The following BANP variants were observed in gnomAD, a reference collection of about 807,000 sequenced individuals.
The protein encoded by BANP is protein BANP.
Under a neutral mutation model 68.1 loss-of-function variants are expected in BANP, and 11 were observed. That is an observed-to-expected ratio of 0.16 (90% CI 0.10 to 0.27). The LOEUF (loss-of-function observed/expected upper bound fraction) is 0.27, where lower values mean the gene tolerates loss of function less well. Among genes scored for constraint, BANP ranks in the 10% least tolerant of loss-of-function variants. The pLI is 1.00. For synonymous variants in BANP, 329 were observed against 303.2 expected, an observed-to-expected ratio of 1.09 and a Z score of -0.88; for missense variants, 504 against 722.7, an observed-to-expected ratio of 0.70 and a Z score of 3.47.
intron 7 of BANP, among the ~76,000 whole-genome samples, chr16:88,024,974 C>G (rs974358979): frequency 2.0e-5 from 3 of 152,114 alleles, no homozygotes; most frequent in Non-Finnish European, 4.4e-5. Context: ...TGTTACTAAC[C>G]CGTTTTTAAA....
chr16:87,967,492 G>A (rs566610744), intron 1 of BANP, among the ~76,000 whole-genome samples: 1 of 152,108 alleles, frequency 6.6e-6, no homozygotes, highest in Non-Finnish European at 1.5e-5. Context: ...ATCTCGCTCT[G>A]TCACTGAGGC....
chr16:87,998,878 A>C (rs1249286810), intron 4 of BANP, among the ~76,000 whole-genome samples: 23 of 112,992 alleles, frequency 2.0e-4, no homozygotes, highest in Admixed American at 5.5e-4. Context: ...GTCTCCATGC[A>C]CGCACGTGCG....
At chr16:88,020,394 G>A (rs1346823755) in intron 7 of BANP, among the ~76,000 whole-genome samples, 1 of 152,262 alleles carries the variant, frequency 6.6e-6, no homozygotes, top group Admixed American at 6.5e-5. Context: ...ACCACGTGAT[G>A]TGCTTCCAGC....
intron 9 of BANP, chr16:88,034,980 C>A: frequency 4.0e-6 from 1 of 248,154 alleles, no homozygotes; most frequent in Non-Finnish European, 7.9e-6. Flanking sequence ...CTCTGTCCAG[C>A]CCGGGACGTG....
At chr16:88,017,622 C>T (rs1454932849) in intron 6 of BANP, among the ~76,000 whole-genome samples, 2 of 152,146 alleles carry the variant, frequency 1.3e-5, no homozygotes, top group African/African-American at 4.8e-5. Context: ...GGGAGGGAGG[C>T]GGAGAGGTGT....
chr16:87,987,903 C>A (rs1217505943), intron 4 of BANP, among the ~76,000 whole-genome samples: 6 of 151,294 alleles, frequency 4.0e-5, no homozygotes, highest in African/African-American at 1.2e-4. Context: ...GTGGCTGGAA[C>A]TGTAGGTGCA....
chr16:87,962,407 C>G (rs1031027508), intron 1 of BANP, among the ~76,000 whole-genome samples: 1 of 151,808 alleles, frequency 6.6e-6, no homozygotes, highest in South Asian at 2.1e-4. Flanking sequence ...ATTTTTTGTT[C>G]TAATTTCAAA....
At chr16:88,068,791 G>A (rs1432353020) in intron 12 of BANP, among the ~76,000 whole-genome samples, 1 of 152,174 alleles carries the variant, frequency 6.6e-6, no homozygotes, top group Non-Finnish European at 1.5e-5. Flanking sequence ...TCACTGAAAA[G>A]TTACTGGTGG....
At chr16:87,959,609 G>T (rs950090817) in intron 1 of BANP, among the ~76,000 whole-genome samples, 3 of 152,232 alleles carry the variant, frequency 2.0e-5, no homozygotes, top group African/African-American at 7.2e-5. Context: ...AGCGGCCATG[G>T]TCTTCCTGCT....
At chr16:87,959,180 G>C (rs1162959606) in intron 1 of BANP, among the ~76,000 whole-genome samples, 1 of 152,266 alleles carries the variant, frequency 6.6e-6, no homozygotes, top group Non-Finnish European at 1.5e-5. Context: ...TCGTGCCACT[G>C]TGAAGCCGCT....
intron 11 of BANP, among the ~76,000 whole-genome samples, chr16:88,059,743 T>C (rs2086182397): frequency 6.6e-6 from 1 of 152,192 alleles, no homozygotes; most frequent in Non-Finnish European, 1.5e-5. Flanking sequence ...CCTCGCGTCC[T>C]GTCAGGGCCC....
chr16:87,995,404 G>A (rs532957550), intron 4 of BANP, among the ~76,000 whole-genome samples: 2 of 152,270 alleles, frequency 1.3e-5, no homozygotes, highest in South Asian at 4.1e-4. Flanking sequence ...AATGTCCATG[G>A]GAGAAAATGT....
At chr16:87,986,962 AAATT>A (rs1385730054) in intron 4 of BANP, among the ~76,000 whole-genome samples, 1 of 152,206 alleles carries the variant, frequency 6.6e-6, no homozygotes, top group African/African-American at 2.4e-5. Context: ...TTATTTGTAA[AAATT>A]AAGATTAATA....
At chr16:87,978,259 A>G (rs1313441481) in intron 2 of BANP, among the ~76,000 whole-genome samples, 1 of 152,216 alleles carries the variant, frequency 6.6e-6, no homozygotes, top group Non-Finnish European at 1.5e-5. Context: ...AATAAATGTC[A>G]CTTGCTGTCC....
rs1029095848 is a variant in BANP, at chr16:88,036,674, G to A, written c.1272+1280G>A. On this transcript the variant is annotated intron_variant, in intron 10 of 13. Coordinates refer to ENST00000682872, the MANE Select transcript of BANP (RefSeq NM_001386991.1). The surrounding 1 kb of genome is among the most constrained non-coding windows in gnomAD (Gnocchi z 4.2). ...ACGAATTCATGTGGGGGCCGTGAGC[G>A]ACTGGGAATGAGTGGGCTCATCCAC... is the stretch of plus-strand genomic sequence containing the variant. Among the ~76,000 whole-genome samples the A allele has an allele frequency of 2.6e-5, 4 of 152,178 alleles. No homozygotes were observed. The highest frequency in any genetic ancestry group is 1.9e-4 in the East Asian group (1 of 5,196).
At chr16:88,037,783 T>C in intron 10 of BANP, 190 bp from the exon 11 acceptor site, 1 of 613,536 alleles carries the variant, frequency 1.6e-6, no homozygotes, top group Non-Finnish European at 3.0e-6. Context: ...TTTAAAATAA[T>C]AAATAGTACC....
chr16:87,988,620 C>T (rs1166731747), intron 4 of BANP, among the ~76,000 whole-genome samples: 2 of 152,136 alleles, frequency 1.3e-5, no homozygotes, highest in Admixed American at 6.5e-5. Flanking sequence ...GAGAGTATTA[C>T]CTCCAAATCA....
At chr16:88,068,964 G>A (rs1048509319) in intron 12 of BANP, among the ~76,000 whole-genome samples, 1 of 151,596 alleles carries the variant, frequency 6.6e-6, no homozygotes, top group African/African-American at 2.4e-5. Flanking sequence ...GCCCCTGTCC[G>A]TGCACCCAGC....
In BANP at chr16:87,975,171, GCCCTGACCA is replaced by G; in HGVS notation, c.60_68del (p.Asp21_Pro23del). Reference sequence around the variant, plus strand: ...GTTCAGATTGCAGTGGAAGACCTGAGCCCTGACCACCCAGGTACAGAGCTGTGGGACAGT... The same window carrying G: ...GTTCAGATTGCAGTGGAAGACCTGAGCCCAGGTACAGAGCTGTGGGACAGT... On this transcript the variant is annotated inframe_deletion, in exon 2 of 14. Coordinates refer to ENST00000682872, the MANE Select transcript of BANP (RefSeq NM_001386991.1). The G allele has an allele frequency of 6.2e-7, 1 of 1,614,128 alleles. No homozygotes were observed. The highest frequency in any genetic ancestry group is 8.5e-7 in the Non-Finnish European group (1 of 1,180,002).
Sources: gnomAD v4.1 joint callset for allele counts (sites outside exome capture counted in the v4.1 genomes callset) on GRCh38, gnomAD v4.1.1 for gene constraint, Gnocchi (gnomAD v3.1) non-coding constraint, MANE v1.5 for transcripts, NCBI Gene and HGNC (gene_info 2026-07-23, HGNC 2026-07-21) for gene names.